The following ARHGAP6 variants were observed in gnomAD, a reference collection of about 807,000 sequenced individuals.
The protein encoded by ARHGAP6 is rho GTPase-activating protein 6.
A neutral mutation model predicts 55.7 loss-of-function variants in ARHGAP6; 16 were observed. That is an observed-to-expected ratio of 0.29 (90% confidence interval 0.19 to 0.44). The LOEUF is 0.44. Ranked by LOEUF, ARHGAP6 falls within the 20% of genes least tolerant of loss-of-function variation. The pLI is 1.00. For missense variants in ARHGAP6, 698 were observed against 808.9 expected (o/e 0.86, Z 1.66); for synonymous variants, 382 against 360.9 (o/e 1.06, Z -0.66).
intron 1 of ARHGAP6, among the ~76,000 whole-genome samples, chrX:11,432,148 A>G (rs1354629012): frequency 8.9e-6 from 1 of 112,344 alleles, no homozygotes; most frequent in Non-Finnish European, 1.9e-5. Context: ...AGGCATCCAT[A>G]AATATTAGAG....
At chrX:11,405,600 G>A (rs2049600864) in intron 1 of ARHGAP6, among the ~76,000 whole-genome samples, 1 of 111,958 alleles carries the variant, frequency 8.9e-6, no homozygotes, top group Non-Finnish European at 1.9e-5. Context: ...CATATTAATT[G>A]GAAATCCTTG....
chrX:11,457,323 A>T (rs2050202721), intron 1 of ARHGAP6, among the ~76,000 whole-genome samples: 1 of 111,609 alleles, frequency 9.0e-6, no homozygotes, highest in African/African-American at 3.3e-5. Context: ...GTCAGGTGAC[A>T]CCTGCTCACA....
At chrX:11,315,686 A>T (rs764386420) in intron 1 of ARHGAP6, among the ~76,000 whole-genome samples, 36 of 112,102 alleles carry the variant, frequency 3.2e-4, no homozygotes, top group African/African-American at 9.7e-4. Flanking sequence ...CATGTTTTTG[A>T]CGTCAATTAA....
intron 1 of ARHGAP6, among the ~76,000 whole-genome samples, chrX:11,628,334 C>A (rs1335388738): frequency 8.9e-6 from 1 of 112,227 alleles, no homozygotes; most frequent in Non-Finnish European, 1.9e-5. Context: ...AGGGAAAATT[C>A]TATTATGGTT....
chrX:11,445,832 T>G (rs1372509126), intron 1 of ARHGAP6, among the ~76,000 whole-genome samples: 1 of 110,816 alleles, frequency 9.0e-6, no homozygotes, highest in Non-Finnish European at 1.9e-5. Context: ...ATATCAACAG[T>G]GCTGAGGTTG....
intron 1 of ARHGAP6, among the ~76,000 whole-genome samples, chrX:11,590,369 G>A (rs962456758): frequency 9.0e-6 from 1 of 110,647 alleles, no homozygotes; most frequent in Non-Finnish European, 1.9e-5. Flanking sequence ...ATCATGCCTT[G>A]AAATTTGGTT....
intron 2 of ARHGAP6, among the ~76,000 whole-genome samples, chrX:11,216,150 C>T (rs1414977071): frequency 9.7e-6 from 1 of 103,512 alleles, no homozygotes; most frequent in Non-Finnish European, 2.0e-5. Flanking sequence ...AAAGGGTCCA[C>T]AAATAGTACA....
intron 1 of ARHGAP6, among the ~76,000 whole-genome samples, chrX:11,622,210 A>G (rs1335942186): frequency 8.9e-6 from 1 of 112,081 alleles, no homozygotes; most frequent in African/African-American, 3.2e-5. Flanking sequence ...TGTCTCATCA[A>G]TGAAAAACAA....
At position 11,638,187 on chromosome X, in the gene ARHGAP6, A is replaced by G. The variant is rs192741470; in HGVS notation, c.588+26054T>C. Among the ~76,000 whole-genome samples the G allele has an allele frequency of 2.7e-5, 3 of 111,700 alleles. No homozygotes were observed. The Admixed American group carries it at 2.9e-4, about 11-fold the overall frequency. ...TCTCAGGGATTTAGCATCTAGGAAT[A>G]TATACTCTAATGTAAAATAAATTCT... On this transcript the variant is annotated intron_variant, in intron 1 of 12. Coordinates refer to ENST00000337414, the MANE Select transcript of ARHGAP6 (RefSeq NM_013427.3).
chrX:11,454,436 A>G (rs1307954330), intron 1 of ARHGAP6, among the ~76,000 whole-genome samples: 1 of 112,184 alleles, frequency 8.9e-6, no homozygotes, highest in Non-Finnish European at 1.9e-5. Flanking sequence ...CCCTTAAATA[A>G]AACTGAGGGT....
Position 11,272,929 on chromosome X carries a change from A to C in ARHGAP6, c.589-18222T>G, listed in dbSNP as rs773171643. 1.0e-3 allele frequency among the ~76,000 whole-genome samples: 114 copies of C among 112,129 alleles called. 1 individual carries two copies. Among genetic ancestry groups the C allele is most frequent in the Non-Finnish European group, 1.4e-3 (77 of 53,172 alleles). ...CTTCTGGCTGCCTGTGTTTGAATTC[A>C]AGTTCAGCATATAACTAGCCATGTG... On this transcript the variant is annotated intron_variant, in intron 1 of 12. Transcript: ENST00000337414.
intron 9 of ARHGAP6, among the ~76,000 whole-genome samples, chrX:11,167,156 G>T (rs928346562): frequency 8.9e-6 from 1 of 111,794 alleles, no homozygotes; most frequent in Non-Finnish European, 1.9e-5. Flanking sequence ...CCATGTCCCA[G>T]GCACAGGGGT....
In ARHGAP6 at chrX:11,521,682, C is replaced by G. The variant is rs1481112959; in HGVS notation, c.588+142559G>C. Among the ~76,000 whole-genome samples, 3 of 110,858 alleles carry G rather than the reference C, an allele frequency of 2.7e-5. No individual in the cohort carries two copies. In the East Asian group the frequency reaches 8.5e-4, roughly 31 times the overall value. On this transcript the variant is annotated intron_variant, in intron 1 of 12. Transcript: ENST00000337414. Reference sequence around the variant, plus strand: ...ATATGAACTTTAAAGTAGTTTTTTCCAATTCTGTGAAGAAAGGCATTGGTA... The same window carrying G: ...ATATGAACTTTAAAGTAGTTTTTTCGAATTCTGTGAAGAAAGGCATTGGTA...
chrX:11,269,787 G>A (rs1192470377), intron 1 of ARHGAP6, among the ~76,000 whole-genome samples: 2 of 111,421 alleles, frequency 1.8e-5, no homozygotes, highest in Non-Finnish European at 3.8e-5. Flanking sequence ...TCTCATTGCT[G>A]CCATTTGCTT....
chrX:11,592,562 T>C (rs143574176), intron 1 of ARHGAP6, among the ~76,000 whole-genome samples: 1,517 of 111,118 alleles, frequency 0.014, 28 homozygotes, highest in African/African-American at 0.047. Flanking sequence ...GTATATAATA[T>C]ATACAAAAAT....
In ARHGAP6 at chrX:11,142,320, A is replaced by G. The variant is rs1023442488; in HGVS notation, c.2177-7T>C. 5.2e-6 allele frequency: 6 copies of G among 1,164,468 alleles called. No individual in the cohort carries two copies. Among genetic ancestry groups the G allele is most frequent in the Non-Finnish European group, 7.0e-6 (6 of 861,789 alleles). On this transcript the variant is annotated splice_polypyrimidine_tract_variant and splice_region_variant and intron_variant, in intron 11 of 12. Transcript: ENST00000337414. ...AAAGGCTCCTCTGACAGATCTAGGG[A>G]AAAAGTGTATAAAAAGGTATATAAC...
chrX:11,439,510 A>C (rs1283216499), intron 1 of ARHGAP6, among the ~76,000 whole-genome samples: 1 of 112,155 alleles, frequency 8.9e-6, no homozygotes, highest in Admixed American at 9.4e-5. Flanking sequence ...TGATTTAGAA[A>C]ACTAAAATTG....
In ARHGAP6 at chrX:11,156,487, T is replaced by G. The variant is rs747062795; in HGVS notation, c.1907+42A>C. On this transcript the variant is annotated intron_variant, in intron 10 of 12. Transcript: ENST00000337414. ...AATTTCTCAGAAATGGAAATAGAAA[T>G]CTCCAATGCGGCTTTAGAAGATGGA... 1.0e-4 allele frequency: 110 copies of G among 1,089,174 alleles called. No homozygotes were observed. The South Asian group carries it at 2.0e-3, about 20-fold the overall frequency. The allele number at this position is 1,089,174 out of a possible 1,213,427, so 89.8% of individuals were successfully genotyped here.
intron 1 of ARHGAP6, among the ~76,000 whole-genome samples, chrX:11,348,848 T>C (rs1313561802): frequency 9.0e-6 from 1 of 110,498 alleles, no homozygotes; most frequent in African/African-American, 3.3e-5. Context: ...AGGGTCTCAC[T>C]ATGTTGCCCA....
Sources: allele counts gnomAD v4.1 joint callset (sites outside exome capture counted in the v4.1 genomes callset), GRCh38; gene constraint gnomAD v4.1.1; transcripts MANE v1.5; gene names NCBI Gene and HGNC (gene_info 2026-07-23, HGNC 2026-07-21).